Variants in SKAP2 observed in about 807,000 individuals in gnomAD.
SKAP2 encodes src kinase-associated phosphoprotein 2.
In SKAP2, 28 loss-of-function variants were observed where a neutral mutation model predicts 54.9. The ratio of observed to expected loss-of-function variants is 0.51; its 90% CI spans 0.38 to 0.70. The LOEUF (loss-of-function observed/expected upper bound fraction) is 0.70. SKAP2 is among the 30% of genes least tolerant of loss of function. The pLI is 0.00. For synonymous variants in SKAP2, 137 were observed against 134.3 expected (o/e 1.02, Z -0.14); for missense variants, 356 against 424.1 (o/e 0.84, Z 1.41).
In SKAP2 at chr7:26,690,306, C is replaced by T. The variant is rs781709750; in HGVS notation, c.853G>A (p.Asp285Asn). ...TTACCTGAGGTGTGATGGACACTAT[C>T]CTGACTCATCTTCCTTTGTTCTTCC... is the stretch of plus-strand genomic sequence containing the variant. The part of the protein sequence containing the change: ...KVEEQRKMSQ[D>N]SVHHTSGDKS... The change falls in exon 10 of 13, where the codon GAT (aspartate) becomes AAT (asparagine). Residue 285 changes from aspartate (D) to asparagine (N), a missense_variant. Asp to Asn is a conservative substitution (Grantham distance 23). Transcript: ENST00000345317. The T allele has an allele frequency of 3.1e-6, 5 of 1,611,398 alleles. No homozygotes were observed. Among genetic ancestry groups the T allele is most frequent in the Middle Eastern group, 1.7e-4 (1 of 6,054 alleles).
chr7:26,802,775 G>A (rs1783942470), intron 4 of SKAP2, among the ~76,000 whole-genome samples: 1 of 152,054 alleles, frequency 6.6e-6, no homozygotes, highest in African/African-American at 2.4e-5. Context: ...CAGCTACTCG[G>A]GAGGGTGAGG....
intron 4 of SKAP2, among the ~76,000 whole-genome samples, chr7:26,785,220 T>C (rs1342665617): frequency 6.6e-6 from 1 of 152,084 alleles, no homozygotes. Context: ...TAAGACTCAC[T>C]CTGTTGTCCA....
intron 11 of SKAP2, among the ~76,000 whole-genome samples, chr7:26,677,923 C>G (rs1039706415): frequency 6.6e-6 from 1 of 152,200 alleles, no homozygotes; most frequent in Non-Finnish European, 1.5e-5. Context: ...TTGTTTAGAA[C>G]TGGGATGTGA....
At chr7:26,774,892 C>T (rs527627576) in intron 4 of SKAP2, among the ~76,000 whole-genome samples, 1 of 152,176 alleles carries the variant, frequency 6.6e-6, no homozygotes. Context: ...AGTTAACAAG[C>T]ACCTGATTTG....
At chr7:26,675,617 T>C (rs1252602426) in intron 11 of SKAP2, among the ~76,000 whole-genome samples, 11 of 152,228 alleles carry the variant, frequency 7.2e-5, no homozygotes, top group Admixed American at 7.2e-4. Flanking sequence ...AGTCTTCATT[T>C]TGGATGATGC....
intron 11 of SKAP2, among the ~76,000 whole-genome samples, chr7:26,674,209 C>A (rs1451202024): frequency 7.9e-5 from 12 of 152,052 alleles, no homozygotes; most frequent in Admixed American, 7.9e-4. Context: ...CAAAACACAC[C>A]AGCCTTTTGT....
At chr7:26,724,999 C>A (rs10227898) in intron 9 of SKAP2, among the ~76,000 whole-genome samples, 1 of 151,798 alleles carries the variant, frequency 6.6e-6, no homozygotes, top group East Asian at 1.9e-4. Context: ...AGGAGAAATA[C>A]GAGGCAGAAG....
intron 4 of SKAP2, among the ~76,000 whole-genome samples, chr7:26,788,819 C>G (rs529235415): frequency 6.6e-5 from 10 of 151,056 alleles, no homozygotes; most frequent in South Asian, 4.1e-4. Flanking sequence ...CAGATACACA[C>G]GTGCGCACAC....
chr7:26,751,318 G>A (rs7782621), intron 4 of SKAP2, among the ~76,000 whole-genome samples: 107,226 of 151,970 alleles, frequency 0.71, 38,105 homozygotes, highest in East Asian at 0.9. Context: ...AAAACTATCA[G>A]ACATGAAATT....
chr7:26,839,317 T>C (rs1443473491), intron 4 of SKAP2, among the ~76,000 whole-genome samples: 1 of 152,132 alleles, frequency 6.6e-6, no homozygotes, highest in Non-Finnish European at 1.5e-5. Context: ...ATCCCTTCTC[T>C]TCCACCAAAA....
chr7:26,688,765 G>A (rs757204432), intron 10 of SKAP2, among the ~76,000 whole-genome samples: 1 of 151,998 alleles, frequency 6.6e-6, no homozygotes, highest in Non-Finnish European at 1.5e-5. Flanking sequence ...ACTTTAAAAG[G>A]GCTTTTGAAA....
chr7:26,666,410 G>C (rs568409935), downstream of SKAP2, among the ~76,000 whole-genome samples: 2 of 152,120 alleles, frequency 1.3e-5, no homozygotes, highest in Admixed American at 6.6e-5. Context: ...TAAGTAGCAA[G>C]TAGTAGAGTG....
chr7:26,783,798 G>C (rs573656638), intron 4 of SKAP2, among the ~76,000 whole-genome samples: 2 of 152,036 alleles, frequency 1.3e-5, no homozygotes, highest in Non-Finnish European at 2.9e-5. Context: ...GTTGTGAGGT[G>C]GGGGGAGCGG....
intron 4 of SKAP2, among the ~76,000 whole-genome samples, chr7:26,818,792 A>T (rs1219899890): frequency 1.3e-5 from 2 of 152,224 alleles, no homozygotes; most frequent in African/African-American, 4.8e-5. Flanking sequence ...AAAAGAAGAC[A>T]TTTATGTGGC....
intron 4 of SKAP2, among the ~76,000 whole-genome samples, chr7:26,807,797 G>C (rs1034384169): frequency 4.6e-5 from 7 of 152,186 alleles, no homozygotes; most frequent in Non-Finnish European, 1.0e-4. Flanking sequence ...TGATTAGTCA[G>C]CAGTGATCCA....
intron 9 of SKAP2, among the ~76,000 whole-genome samples, chr7:26,691,344 C>T (rs181602703): frequency 1.3e-5 from 2 of 152,184 alleles, no homozygotes; most frequent in East Asian, 3.9e-4. Flanking sequence ...TAAGGATTTG[C>T]ATACAAACCT....
At position 26,725,993 on chromosome 7, in the gene SKAP2, T is replaced by A. The variant is rs186949159; in HGVS notation, c.595-7A>T. 415 of 1,600,544 alleles carry A rather than the reference T, an allele frequency of 2.6e-4. 2 individuals are homozygous for A. The East Asian group carries it at 7.6e-3, about 29-fold the overall frequency. Reference sequence around the variant, plus strand: ...TGGGAGAAGCTGCTGTAAACTAATATAAAACAAACAGTAAGAACGAAAATC... The same window carrying A: ...TGGGAGAAGCTGCTGTAAACTAATAAAAAACAAACAGTAAGAACGAAAATC... On this transcript the variant is annotated splice_polypyrimidine_tract_variant and splice_region_variant and intron_variant, in intron 7 of 12. Coordinates refer to ENST00000345317, the MANE Select transcript of SKAP2 (RefSeq NM_003930.5).
intron 4 of SKAP2, among the ~76,000 whole-genome samples, chr7:26,825,191 A>T (rs903736610): frequency 6.6e-6 from 1 of 152,214 alleles, no homozygotes; most frequent in African/African-American, 2.4e-5. Context: ...AATCTCCAGC[A>T]AAAGCTACAG....
chr7:26,777,170 A>G (rs1783329238), intron 4 of SKAP2, among the ~76,000 whole-genome samples: 1 of 152,186 alleles, frequency 6.6e-6, no homozygotes, highest in Non-Finnish European at 1.5e-5. Flanking sequence ...TTAACATGAA[A>G]TACATTTGCC....
Sources: gnomAD v4.1 joint callset for allele counts (sites outside exome capture counted in the v4.1 genomes callset) on GRCh38, gnomAD v4.1.1 for gene constraint, MANE v1.5 for transcripts, NCBI Gene and HGNC (gene_info 2026-07-23, HGNC 2026-07-21) for gene names.